Variants in EPHA3 observed in about 807,000 individuals in gnomAD.
The protein encoded by EPHA3 is EPH receptor A3.
EPHA3 carries 42 observed loss-of-function variants against 107.1 expected under a neutral mutation model. That is an observed-to-expected ratio of 0.39 (90% CI 0.31 to 0.51). The LOEUF (loss-of-function observed/expected upper bound fraction) is 0.51. Ranked by LOEUF, EPHA3 falls within the 20% of genes least tolerant of loss-of-function variation. The pLI is 0.78. For missense variants in EPHA3, 1,183 were observed against 1,211.2 expected (o/e 0.98, Z 0.35); for synonymous variants, 461 against 424.8 (o/e 1.09, Z -1.05).
chr3:89,345,690 T>C (rs375284403), intron 5 of EPHA3, among the ~76,000 whole-genome samples: 4 of 146,596 alleles, frequency 2.7e-5, no homozygotes, highest in African/African-American at 7.5e-5. Flanking sequence ...TATGTATACA[T>C]GTGCCGTGCT....
intron 3 of EPHA3, among the ~76,000 whole-genome samples, chr3:89,323,199 G>A (rs1309960676): frequency 2.0e-5 from 3 of 151,952 alleles, no homozygotes; most frequent in Non-Finnish European, 2.9e-5. Flanking sequence ...CAATATGTAA[G>A]CATTTATTTA....
intron 3 of EPHA3, among the ~76,000 whole-genome samples, chr3:89,329,168 G>C (rs1707236392): frequency 6.6e-6 from 1 of 152,160 alleles, no homozygotes; most frequent in East Asian, 1.9e-4. Context: ...AAGAAATAGG[G>C]TGATGGTTTA....
chr3:89,454,342 C>T (rs567116824), intron 15 of EPHA3, among the ~76,000 whole-genome samples: 2 of 152,246 alleles, frequency 1.3e-5, no homozygotes, highest in South Asian at 2.1e-4. Context: ...GATCCTTCCA[C>T]TGCCTAATTA....
intron 10 of EPHA3, among the ~76,000 whole-genome samples, chr3:89,415,492 A>AT (rs35710348): frequency 2.3e-3 from 338 of 146,260 alleles, no homozygotes; most frequent in African/African-American, 7.5e-3. Context: ...ATATATATAT[A>AT]AGCTAATTCT....
At chr3:89,246,223 T>G (rs1705029895) in intron 3 of EPHA3, among the ~76,000 whole-genome samples, 1 of 152,170 alleles carries the variant, frequency 6.6e-6, no homozygotes, top group South Asian at 2.1e-4. Context: ...ATATCACACT[T>G]CCAGTGCAGT....
At chr3:89,424,782 G>A (rs1709423893) in intron 11 of EPHA3, among the ~76,000 whole-genome samples, 1 of 151,306 alleles carries the variant, frequency 6.6e-6, no homozygotes, top group Admixed American at 6.6e-5. Context: ...TGTGCTTACT[G>A]CATGACTCAG....
chr3:89,159,867 T>G (rs1704891682), intron 2 of EPHA3, among the ~76,000 whole-genome samples: 1 of 152,092 alleles, frequency 6.6e-6, no homozygotes, highest in African/African-American at 2.4e-5. Context: ...TTAAGAAAAC[T>G]CTAAACACCA....
intron 3 of EPHA3, among the ~76,000 whole-genome samples, chr3:89,236,915 A>G (rs1194884741): frequency 6.6e-6 from 1 of 152,198 alleles, no homozygotes; most frequent in African/African-American, 2.4e-5. Flanking sequence ...GATTAGATGC[A>G]TGTAGTTGTT....
In EPHA3 at chr3:89,342,014, T is replaced by C; in HGVS notation, c.1230T>C (p.Asp410=). 6.2e-7 allele frequency: 1 copy of C among 1,612,526 alleles called. No individual in the cohort carries two copies. Among genetic ancestry groups the C allele is most frequent in the Non-Finnish European group, 8.5e-7 (1 of 1,179,734 alleles). ...LAHTNYTFEI[D]AVNGVSELSS... ...ATACTAACTACACCTTTGAGATTGA[T>C]GCCGTTAATGGGGTGTCAGAGCTGA... Residue 410 remains aspartate, a synonymous_variant, in exon 5 of 17, where the codon GAT becomes GAC. Coordinates refer to ENST00000336596, the MANE Select transcript of EPHA3 (RefSeq NM_005233.6).
chr3:89,175,397 C>T (rs1268437324), intron 2 of EPHA3, among the ~76,000 whole-genome samples: 1 of 152,058 alleles, frequency 6.6e-6, no homozygotes, highest in Non-Finnish European at 1.5e-5. Context: ...CTGTAGTTAA[C>T]TTTCAACTAT....
chr3:89,394,188 A>C (rs1708803380), intron 5 of EPHA3, among the ~76,000 whole-genome samples: 1 of 152,174 alleles, frequency 6.6e-6, no homozygotes, highest in African/African-American at 2.4e-5. Flanking sequence ...ACCGGGGAGA[A>C]TCACTTGAGC....
chr3:89,446,363 C>T (rs1311893200), intron 13 of EPHA3, among the ~76,000 whole-genome samples: 2 of 152,082 alleles, frequency 1.3e-5, no homozygotes, highest in African/African-American at 4.8e-5. Context: ...ATTCTCCTTC[C>T]AAGCTTAAGC....
At chr3:89,226,543 A>G (rs1167907963) in intron 3 of EPHA3, among the ~76,000 whole-genome samples, 21 of 152,116 alleles carry the variant, frequency 1.4e-4, no homozygotes, top group Non-Finnish European at 3.1e-4. Context: ...GTCATAACAT[A>G]CAGTATTTCT....
rs1307557626 is a variant in EPHA3, at chr3:89,369,796, A to C, written c.1307-26041A>C. ...AATATCCAGAATCTACAATGAACTC[A>C]AACAAATTTACAAGAAAAAAACAAA... On this transcript the variant is annotated intron_variant, in intron 5 of 16. Coordinates refer to ENST00000336596, the MANE Select transcript of EPHA3 (RefSeq NM_005233.6). Among the ~76,000 whole-genome samples the C allele has an allele frequency of 7.6e-4, 114 of 150,004 alleles. 2 individuals carry two copies. Among genetic ancestry groups the C allele is most frequent in the African/African-American group, 2.5e-3 (102 of 40,682 alleles).
intron 2 of EPHA3, among the ~76,000 whole-genome samples, chr3:89,128,262 A>G (rs1704133630): frequency 2.0e-5 from 3 of 152,146 alleles, no homozygotes; most frequent in African/African-American, 4.8e-5. Context: ...TACTTCATCT[A>G]TCTGTCATCT....
At chr3:89,396,242 G>T (rs1438373825) in intron 6 of EPHA3, among the ~76,000 whole-genome samples, 1 of 152,092 alleles carries the variant, frequency 6.6e-6, no homozygotes, top group Admixed American at 6.5e-5. Flanking sequence ...TTTACACCAA[G>T]ACCCCTACTC....
chr3:89,235,144 A>G lies in EPHA3; in HGVS notation c.814+24624A>G, dbSNP rs557813987. On this transcript the variant is annotated intron_variant, in intron 3 of 16. Coordinates refer to ENST00000336596, the MANE Select transcript of EPHA3 (RefSeq NM_005233.6). Reference sequence around the variant, plus strand: ...TCCATGTTGGCCAGTCTGGTCTCGAACTCCTGACCTCAGGTGATCCACCCA... The same window carrying G: ...TCCATGTTGGCCAGTCTGGTCTCGAGCTCCTGACCTCAGGTGATCCACCCA... 1.5e-3 allele frequency among the ~76,000 whole-genome samples: 228 copies of G among 150,626 alleles called. 2 individuals carry two copies. Among genetic ancestry groups the G allele is most frequent in the Middle Eastern group, 6.8e-3 (2 of 294 alleles).
chr3:89,420,757 C>T (rs1709337507), intron 11 of EPHA3, among the ~76,000 whole-genome samples: 1 of 151,254 alleles, frequency 6.6e-6, no homozygotes, highest in Non-Finnish European at 1.5e-5. Context: ...TCCATTACAT[C>T]TGCATCAAGT....
intron 1 of EPHA3, among the ~76,000 whole-genome samples, chr3:89,123,563 C>T (rs1404690993): frequency 6.6e-6 from 1 of 152,108 alleles, no homozygotes; most frequent in East Asian, 1.9e-4. Flanking sequence ...ATCAACAGTC[C>T]AAGTAAGGAT....
Sources: allele counts gnomAD v4.1 joint callset (sites outside exome capture counted in the v4.1 genomes callset), GRCh38; gene constraint gnomAD v4.1.1; transcripts MANE v1.5; gene names NCBI Gene and HGNC (gene_info 2026-07-23, HGNC 2026-07-21).